TACR3: variants seen among roughly 807,000 people sequenced by gnomAD.
TACR3 encodes tachykinin receptor 3.
A neutral mutation model predicts 35.0 loss-of-function variants in TACR3; 34 were observed. The observed-to-expected ratio is 0.97, with a 90% confidence interval of 0.74 to 1.30. The LOEUF (loss-of-function observed/expected upper bound fraction) is 1.30. Ranked by LOEUF, TACR3 falls within the 50% of genes most tolerant of loss-of-function variation. The probability of loss-of-function intolerance (pLI) is 0.00; values close to 1 mark genes in which losing one functional copy is unlikely to be tolerated. For missense variants in TACR3, 558 were observed against 591.7 expected, an observed-to-expected ratio of 0.94 and a Z score of 0.59; for synonymous variants, 233 against 221.1, an observed-to-expected ratio of 1.05 and a Z score of -0.48.
intron 1 of TACR3, among the ~76,000 whole-genome samples, chr4:103,687,768 A>T (rs1722283353): frequency 6.6e-6 from 1 of 152,170 alleles, no homozygotes; most frequent in African/African-American, 2.4e-5. Flanking sequence ...AAATGGAAGA[A>T]CATTCCATGC....
chr4:103,699,371 G>GTAA (rs1257560494), intron 1 of TACR3, among the ~76,000 whole-genome samples: 1 of 152,094 alleles, frequency 6.6e-6, no homozygotes, highest in Non-Finnish European at 1.5e-5. Context: ...GGAAGTGGTA[G>GTAA]TAATAGAAAA....
chr4:103,704,105 C>CAAAAA (rs59034473), intron 1 of TACR3, among the ~76,000 whole-genome samples: 57 of 64,630 alleles, frequency 8.8e-4, no homozygotes, highest in Non-Finnish European at 1.1e-3. Context: ...CTCTATCTCA[C>CAAAAA]AAAAAAAAAA....
chr4:103,681,569 G>A (rs950345930), intron 1 of TACR3, among the ~76,000 whole-genome samples: 3 of 152,022 alleles, frequency 2.0e-5, no homozygotes, highest in South Asian at 2.1e-4. Context: ...CCAAGAAGAC[G>A]AAATAATCCT....
chr4:103,590,148 T>C (rs1469634087), intron 4 of TACR3, among the ~76,000 whole-genome samples, 154 bp from the exon 5 acceptor site: 1 of 152,174 alleles, frequency 6.6e-6, no homozygotes, highest in Non-Finnish European at 1.5e-5. Flanking sequence ...CACAGTACTG[T>C]TGTTAGTCGT....
chr4:103,700,791 G>A (rs1483212418), intron 1 of TACR3, among the ~76,000 whole-genome samples: 5 of 152,086 alleles, frequency 3.3e-5, no homozygotes, highest in South Asian at 2.1e-4. Flanking sequence ...CAGAACCAAC[G>A]ACAAAAAGCA....
chr4:103,594,291 C>T (rs975378879), intron 3 of TACR3, among the ~76,000 whole-genome samples: 19 of 151,888 alleles, frequency 1.3e-4, no homozygotes, highest in African/African-American at 4.6e-4. Context: ...AATTCTTCTG[C>T]CTCAGCCTCC....
chr4:103,636,358 T>C (rs575567642), intron 3 of TACR3, among the ~76,000 whole-genome samples: 2 of 151,632 alleles, frequency 1.3e-5, no homozygotes, highest in Admixed American at 1.3e-4. Context: ...CAGTCCCAGC[T>C]TCATGAGTTT....
chr4:103,657,643 A>G (rs1278457904), intron 2 of TACR3, among the ~76,000 whole-genome samples: 1 of 152,112 alleles, frequency 6.6e-6, no homozygotes, highest in Admixed American at 6.6e-5. Flanking sequence ...ACACAATTAC[A>G]TTATTATTCC....
chr4:103,597,849 T>C (rs1257163318), intron 3 of TACR3, among the ~76,000 whole-genome samples: 1 of 152,214 alleles, frequency 6.6e-6, no homozygotes, highest in Non-Finnish European at 1.5e-5. Flanking sequence ...ATTCAGTCTA[T>C]TGTTTTTGGA....
intron 1 of TACR3, among the ~76,000 whole-genome samples, chr4:103,681,741 TAACTC>T (rs1722094710): frequency 6.6e-6 from 1 of 152,004 alleles, no homozygotes; most frequent in Non-Finnish European, 1.5e-5. Flanking sequence ...AAAAACTAAA[TAACTC>T]CACCAATGAA....
intron 3 of TACR3, among the ~76,000 whole-genome samples, chr4:103,637,358 T>C (rs1578237443): frequency 6.6e-6 from 1 of 152,170 alleles, no homozygotes; most frequent in African/African-American, 2.4e-5. Flanking sequence ...TCTCAATAGA[T>C]GCAGGAAAGG....
At chr4:103,596,073 C>T (rs1441792102) in intron 3 of TACR3, among the ~76,000 whole-genome samples, 1 of 150,774 alleles carries the variant, frequency 6.6e-6, no homozygotes, top group East Asian at 1.9e-4. Flanking sequence ...CTACAAAGGA[C>T]ATGAACTCAT....
At chr4:103,678,989 C>T (rs1343552792) in intron 1 of TACR3, among the ~76,000 whole-genome samples, 1 of 151,942 alleles carries the variant, frequency 6.6e-6, no homozygotes, top group South Asian at 2.1e-4. Flanking sequence ...TCATGTCTCA[C>T]CACTGAAGAA....
At chr4:103,690,578 G>T (rs544249347) in intron 1 of TACR3, among the ~76,000 whole-genome samples, 19 of 152,108 alleles carry the variant, frequency 1.2e-4, no homozygotes, top group African/African-American at 3.6e-4. Context: ...ACTAATAGAA[G>T]AATTAGAAAA....
chr4:103,659,249 T>G (rs1423276493), intron 1 of TACR3, among the ~76,000 whole-genome samples: 2 of 152,108 alleles, frequency 1.3e-5, no homozygotes, highest in African/African-American at 4.8e-5. Flanking sequence ...GTACCTCCGA[T>G]GTAAGTGAAA....
At chr4:103,666,745 T>C (rs1725945447) in intron 1 of TACR3, among the ~76,000 whole-genome samples, 1 of 152,160 alleles carries the variant, frequency 6.6e-6, no homozygotes, top group African/African-American at 2.4e-5. Flanking sequence ...ACTTGCTAAA[T>C]TTTTTGCTAC....
In TACR3 at chr4:103,591,583, C is replaced by A; in HGVS notation, c.989G>T (p.Arg330Ile). 1.9e-6 allele frequency: 3 copies of A among 1,613,890 alleles called. No individual in the cohort carries two copies. Among genetic ancestry groups the A allele is most frequent in the Non-Finnish European group, 2.5e-6 (3 of 1,179,874 alleles). ...GTAGACCTGCTGGATGTATTTCCAT[C>A]TATTTAGTTGTTGATAGATTGCAGT... is the stretch of plus-strand genomic sequence containing the variant. ...ILTAIYQQLN[R>I]WKYIQQVYLA... Residue 330 changes from arginine (R) to isoleucine (I), a missense_variant, in exon 4 of 5, where the codon AGA (arginine) becomes ATA (isoleucine). Coordinates refer to ENST00000304883, the MANE Select transcript of TACR3 (RefSeq NM_001059.3).
intron 3 of TACR3, among the ~76,000 whole-genome samples, chr4:103,650,721 A>T (rs1725586746): frequency 1.9e-5 from 1 of 52,658 alleles, no homozygotes; most frequent in Non-Finnish European, 2.8e-5. Context: ...ATATATATAA[A>T]TAAATATATA....
At chr4:103,698,890 A>G (rs1032017485) in intron 1 of TACR3, among the ~76,000 whole-genome samples, 2 of 152,194 alleles carry the variant, frequency 1.3e-5, no homozygotes, top group Admixed American at 6.5e-5. Context: ...ATGACTGTAT[A>G]AAAACATCAC....
Sources: gnomAD v4.1 joint callset for allele counts (sites outside exome capture counted in the v4.1 genomes callset) on GRCh38, gnomAD v4.1.1 for gene constraint, MANE v1.5 for transcripts, NCBI Gene and HGNC (gene_info 2026-07-23, HGNC 2026-07-21) for gene names.